SCIN: variants seen among roughly 807,000 people sequenced by gnomAD.
The protein encoded by SCIN is adseverin.
A neutral mutation model predicts 91.8 loss-of-function variants in SCIN; 91 were observed. The observed-to-expected ratio is 0.99, with a 90% CI of 0.84 to 1.18. The LOEUF is 1.18. Ranked by LOEUF, SCIN falls within the 50% of genes most tolerant of loss-of-function variation. The pLI is 0.00. For synonymous variants in SCIN, 367 were observed against 312.6 expected (o/e 1.17, Z -1.84); for missense variants, 1,087 against 863.9 (o/e 1.26, Z -3.24).
chr7:12,603,732 G>C (rs989701453), intron 3 of SCIN, among the ~76,000 whole-genome samples: 2 of 152,012 alleles, frequency 1.3e-5, no homozygotes, highest in Admixed American at 6.6e-5. Context: ...ATGTCACACT[G>C]TTATTCTGTT....
Position 12,652,832 on chromosome 7 carries a change from G to C in SCIN, c.*117G>C, listed in dbSNP as rs545398795. On this transcript the variant is annotated 3_prime_UTR_variant, in exon 16 of 16. Transcript: ENST00000297029. ...TCTTTTGAAAATTAAGGCTGGGCGCGGTGGCTCACACCTGTAATCCCAGCA... is the reference window on the plus strand; with the variant it reads ...TCTTTTGAAAATTAAGGCTGGGCGCCGTGGCTCACACCTGTAATCCCAGCA... The C allele has an allele frequency of 7.8e-7, 1 of 1,285,000 alleles. No individual in the cohort carries two copies. 79.6% of individuals were successfully genotyped at this position (1,285,000 alleles called of 1,614,324 possible). A position where few individuals can be genotyped will look rare whatever the true frequency, so the allele number is the denominator to read the frequency against.
chr7:12,598,330 C>T (rs1386760285), intron 3 of SCIN, among the ~76,000 whole-genome samples: 1 of 151,470 alleles, frequency 6.6e-6, no homozygotes, highest in Non-Finnish European at 1.5e-5. Context: ...CAAATGAATA[C>T]AAAGTTTCCT....
intron 3 of SCIN, among the ~76,000 whole-genome samples, chr7:12,602,828 A>C (rs1253668824): frequency 6.6e-6 from 1 of 152,150 alleles, no homozygotes; most frequent in Non-Finnish European, 1.5e-5. Context: ...TATTGTTCAA[A>C]CACATGTGTT....
intron 3 of SCIN, among the ~76,000 whole-genome samples, chr7:12,585,523 C>T (rs1463799866): frequency 6.6e-6 from 1 of 152,160 alleles, no homozygotes; most frequent in Non-Finnish European, 1.5e-5. Flanking sequence ...AGCTCCAAGT[C>T]AGTATTTCAG....
intron 4 of SCIN, among the ~76,000 whole-genome samples, chr7:12,613,882 T>C (rs965675552): frequency 6.6e-6 from 1 of 152,128 alleles, no homozygotes; most frequent in Non-Finnish European, 1.5e-5. Context: ...AATCTACTAA[T>C]CATGAAAAAG....
In SCIN at chr7:12,656,882, T is replaced by A. The variant is rs916246770; in HGVS notation, c.*4167T>A. 6.7e-6 allele frequency: 1 copy of A among 148,962 alleles called. No individual in the cohort carries two copies. Among genetic ancestry groups the A allele is most frequent in the Non-Finnish European group, 1.5e-5 (1 of 67,664 alleles). The allele number at this position is 148,962 out of a possible 1,614,324, so 9.2% of individuals were successfully genotyped here. On this transcript the variant is annotated 3_prime_UTR_variant, in exon 16 of 16. Transcript: ENST00000297029. ...AGGTTGGAGCGAAAGTACGCGCCAC[T>A]GTACTCCAGCCTGCGTGACGATGAG... is the stretch of plus-strand genomic sequence containing the variant.
chr7:12,620,331 C>A lies in SCIN; in HGVS notation c.667-2470C>A, dbSNP rs191103049. ...TATCTTATACCTGAAAGTCTGAATT[C>A]TTTCACCAACATTTCTCCATTTCCT... On this transcript the variant is annotated intron_variant, in intron 4 of 15. Transcript: ENST00000297029. 3.3e-5 allele frequency among the ~76,000 whole-genome samples: 5 copies of A among 152,230 alleles called. No homozygotes were observed. The East Asian group carries it at 9.7e-4, about 29-fold the overall frequency.
Position 12,594,531 on chromosome 7 carries a change from T to C in SCIN, c.517-9983T>C, listed in dbSNP as rs371430181. ...CCATTTTCGGGCCATTGGGAGCCAT[T>C]GTCCAATTGGTATTGAGGCCATGCA... is the stretch of plus-strand genomic sequence containing the variant. On this transcript the variant is annotated intron_variant, in intron 3 of 15. Coordinates refer to ENST00000297029, the MANE Select transcript of SCIN (RefSeq NM_001112706.3). Among the ~76,000 whole-genome samples the C allele has an allele frequency of 4.6e-5, 7 of 152,300 alleles. No individual in the cohort carries two copies. The South Asian group carries it at 1.2e-3, about 27-fold the overall frequency.
intron 13 of SCIN, among the ~76,000 whole-genome samples, chr7:12,645,081 A>ATCCC (rs1783935236): frequency 6.6e-6 from 1 of 150,506 alleles, no homozygotes; most frequent in African/African-American, 2.5e-5. Context: ...GCACTTTGGG[A>ATCCC]AGCTGAGACG....
At position 12,654,842 on chromosome 7, in the gene SCIN, T is replaced by C. The variant is rs1003004000; in HGVS notation, c.*2127T>C. 6.6e-6 allele frequency: 1 copy of C among 152,180 alleles called. No homozygotes were observed. Among genetic ancestry groups the C allele is most frequent in the Non-Finnish European group, 1.5e-5 (1 of 68,016 alleles). 9.4% of individuals were successfully genotyped at this position (152,180 alleles called of 1,614,324 possible). A position where few individuals can be genotyped will look rare whatever the true frequency, so the allele number is the denominator to read the frequency against. On this transcript the variant is annotated 3_prime_UTR_variant, in exon 16 of 16. Transcript: ENST00000297029. Reference sequence around the variant, plus strand: ...AAAAGTTGCTGAGAGCCTAAAATGATTATTCAGTTCTGTTGCAGGGTTTTA... The same window carrying C: ...AAAAGTTGCTGAGAGCCTAAAATGACTATTCAGTTCTGTTGCAGGGTTTTA...
chr7:12,616,274 A>G (rs1783297824), intron 4 of SCIN, among the ~76,000 whole-genome samples: 1 of 152,114 alleles, frequency 6.6e-6, no homozygotes, highest in Admixed American at 6.6e-5. Context: ...AATGGGACCT[A>G]ATAAGAGATG....
chr7:12,578,092 A>G lies in SCIN; in HGVS notation c.228A>G (p.Thr76=). The G allele has an allele frequency of 1.3e-6, 2 of 1,547,754 alleles. No individual in the cohort carries two copies. Among genetic ancestry groups the G allele is most frequent in the Non-Finnish European group, 1.7e-6 (2 of 1,145,196 alleles). Residue 76 remains threonine (T), a synonymous_variant, in exon 2 of 16, where the codon ACA becomes ACG. Coordinates refer to ENST00000297029, the MANE Select transcript of SCIN (RefSeq NM_001112706.3). The part of the protein sequence containing the change: ...LGKECSQDES[T]AAAIFTVQMD... ...AGGAGTGTTCCCAGGATGAAAGCACAGCTGCTGCCATCTTCACTGTTCAGA... is the reference window on the plus strand; with the variant it reads ...AGGAGTGTTCCCAGGATGAAAGCACGGCTGCTGCCATCTTCACTGTTCAGA...
At chr7:12,617,338 A>G (rs1303776737) in intron 4 of SCIN, among the ~76,000 whole-genome samples, 1 of 152,120 alleles carries the variant, frequency 6.6e-6, no homozygotes, top group Non-Finnish European at 1.5e-5. Flanking sequence ...AGAGACTCTT[A>G]GTAGCGGCTC....
chr7:12,604,961 T>G (rs1783044940), intron 4 of SCIN, among the ~76,000 whole-genome samples: 1 of 152,178 alleles, frequency 6.6e-6, no homozygotes, highest in Non-Finnish European at 1.5e-5. Context: ...CTTCTGAAAT[T>G]GACCGTAAGA....
At chr7:12,645,176 A>G (rs975269167) in intron 13 of SCIN, among the ~76,000 whole-genome samples, 4 of 150,662 alleles carry the variant, frequency 2.7e-5, no homozygotes, top group African/African-American at 7.3e-5. Flanking sequence ...AAAATTAGTC[A>G]GGCATGGTGG....
At chr7:12,652,360 A>G (rs559937116) in intron 15 of SCIN, among the ~76,000 whole-genome samples, 15 of 152,356 alleles carry the variant, frequency 9.8e-5, no homozygotes, top group African/African-American at 3.1e-4. Flanking sequence ...CTTTCATGGC[A>G]GACGAGAGAA....
At chr7:12,621,637 GTTTT>G (rs60697843) in intron 4 of SCIN, among the ~76,000 whole-genome samples, 18 of 106,374 alleles carry the variant, frequency 1.7e-4, no homozygotes, top group East Asian at 8.6e-4. Context: ...AAGTGTTTTA[GTTTT>G]TTTTTTTTTT....
At chr7:12,612,048 C>A (rs1207955974) in intron 4 of SCIN, among the ~76,000 whole-genome samples, 1 of 148,636 alleles carries the variant, frequency 6.7e-6, no homozygotes, top group Non-Finnish European at 1.5e-5. Flanking sequence ...AAACTCTGTA[C>A]TTTGTAAGAA....
intron 3 of SCIN, chr7:12,596,498 A>G (rs1782844839): frequency 4.4e-6 from 2 of 455,502 alleles, no homozygotes; most frequent in South Asian, 3.1e-5. Context: ...AGGCAATGTG[A>G]TCATTGCTGA....
Sources: gnomAD v4.1 joint callset for allele counts (sites outside exome capture counted in the v4.1 genomes callset) on GRCh38, gnomAD v4.1.1 for gene constraint, MANE v1.5 for transcripts, NCBI Gene and HGNC (gene_info 2026-07-23, HGNC 2026-07-21) for gene names.